The following MAP3K13 variants were observed in gnomAD, a reference collection of about 807,000 sequenced individuals.
MAP3K13 encodes the protein mitogen-activated protein kinase kinase kinase 13.
A neutral mutation model predicts 104.0 loss-of-function variants in MAP3K13; 52 were observed. That is an observed-to-expected ratio of 0.50 (90% confidence interval 0.40 to 0.63). MAP3K13 has a LOEUF of 0.63. MAP3K13 is among the 20% of genes least tolerant of loss of function. The pLI, the probability that MAP3K13 is intolerant of heterozygous loss-of-function variation, is 0.00. For synonymous variants in MAP3K13, 394 were observed against 442.2 expected (o/e 0.89, Z 1.37); for missense variants, 914 against 1,218.5 (o/e 0.75, Z 3.72).
chr3:185,323,978 T>A (rs967882274), intron 2 of MAP3K13, among the ~76,000 whole-genome samples: 1 of 152,118 alleles, frequency 6.6e-6, no homozygotes, highest in Non-Finnish European at 1.5e-5. Flanking sequence ...TCTCTTATAA[T>A]GAGTGAGGTT....
chr3:185,391,045 T>C (rs781623503), intron 1 of MAP3K13, among the ~76,000 whole-genome samples: 2 of 152,182 alleles, frequency 1.3e-5, no homozygotes, highest in Non-Finnish European at 2.9e-5. Context: ...TTGCCCTTTC[T>C]TTTTTTGTTA....
intron 2 of MAP3K13, among the ~76,000 whole-genome samples, chr3:185,355,619 A>G (rs1723321584): frequency 6.6e-6 from 1 of 152,222 alleles, no homozygotes; most frequent in Admixed American, 6.5e-5. Flanking sequence ...TGGACGACAG[A>G]GTGAGACTCC....
intron 1 of MAP3K13, among the ~76,000 whole-genome samples, chr3:185,392,207 G>A (rs538010848): frequency 4.6e-5 from 7 of 152,088 alleles, no homozygotes; most frequent in Non-Finnish European, 8.8e-5. Context: ...CTTAAGTAAG[G>A]ATTTCAGGAT....
intron 12 of MAP3K13, among the ~76,000 whole-genome samples, chr3:185,479,637 A>T (rs1718331868): frequency 6.6e-6 from 1 of 152,192 alleles, no homozygotes; most frequent in Non-Finnish European, 1.5e-5. Context: ...TATATAAACC[A>T]AATGAAAGGG....
intron 12 of MAP3K13, among the ~76,000 whole-genome samples, chr3:185,479,488 A>T (rs906251705): frequency 1.3e-5 from 2 of 152,130 alleles, no homozygotes; most frequent in Non-Finnish European, 2.9e-5. Context: ...AGAATCTATG[A>T]CTCTCTAAAT....
intron 1 of MAP3K13, among the ~76,000 whole-genome samples, chr3:185,381,373 C>G (rs1724714286): frequency 6.6e-6 from 1 of 152,210 alleles, no homozygotes; most frequent in Non-Finnish European, 1.5e-5. Flanking sequence ...CCTCGTTATT[C>G]ACAGATACTA....
intron 2 of MAP3K13, among the ~76,000 whole-genome samples, chr3:185,305,771 T>C (rs1046550339): frequency 2.0e-5 from 3 of 152,222 alleles, no homozygotes; most frequent in African/African-American, 4.8e-5. Flanking sequence ...TTTATTTTTA[T>C]AATTTCAACT....
Position 185,454,726 on chromosome 3 carries a change from ATATATAT to A in MAP3K13, c.1278+3332_1278+3338del, listed in dbSNP as rs1287889882. ...ATATATCATATATGAGATATATATG[ATATATAT>A]GATATATATATCATATATATGAGAT... is the stretch of plus-strand genomic sequence containing the variant. On this transcript the variant is annotated intron_variant, in intron 7 of 13. Transcript: ENST00000265026. Among the ~76,000 whole-genome samples the A allele has an allele frequency of 5.1e-3, 177 of 34,854 alleles. 27 individuals carry two copies. The highest frequency in any genetic ancestry group is 0.012 in the African/African-American group (170 of 14,258). The allele number at this position is 34,854 out of a possible 152,430, so 22.9% of individuals were successfully genotyped here.
chr3:185,310,024 C>A (rs1279966520), intron 2 of MAP3K13, among the ~76,000 whole-genome samples: 4 of 152,112 alleles, frequency 2.6e-5, no homozygotes, highest in Admixed American at 2.0e-4. Context: ...GAGGGAGGGA[C>A]AAGGATGGAG....
intron 7 of MAP3K13, among the ~76,000 whole-genome samples, chr3:185,454,888 A>C (rs1177137229): frequency 1.7e-5 from 2 of 114,382 alleles, no homozygotes; most frequent in Non-Finnish European, 1.7e-5. Context: ...TATATGATAT[A>C]TATATGAGAT....
intron 2 of MAP3K13, chr3:185,291,903 C>CAA (rs139816082): frequency 0.04 from 36,203 of 894,500 alleles, 469 homozygotes; most frequent in East Asian, 0.14. Flanking sequence ...CAGTGCTTTC[C>CAA]AAAAAAAAAA....
intron 1 of MAP3K13, among the ~76,000 whole-genome samples, chr3:185,428,028 G>A (rs776893675): frequency 8.0e-5 from 12 of 150,668 alleles, no homozygotes; most frequent in Non-Finnish European, 1.3e-4. Flanking sequence ...GCAGTGAGCC[G>A]AGATCGCGCC....
rs114540502 is a variant in MAP3K13, at chr3:185,347,723, A to G, written c.-86+62080A>G. On this transcript the variant is annotated intron_variant, in intron 2 of 14. Coordinates refer to the MAP3K13 transcript ENST00000424227. ...AATGGAGGCGATTTCAGAAATATCAATGTAGCCAGGCGTAGTGGCGCACAC... is the reference window on the plus strand; with the variant it reads ...AATGGAGGCGATTTCAGAAATATCAGTGTAGCCAGGCGTAGTGGCGCACAC... 2.1e-3 allele frequency among the ~76,000 whole-genome samples: 319 copies of G among 152,232 alleles called. 4 individuals are homozygous for G. The highest frequency in any genetic ancestry group is 7.2e-3 in the African/African-American group (299 of 41,540).
chr3:185,439,262 G>T (rs369729341), intron 3 of MAP3K13, among the ~76,000 whole-genome samples: 3 of 152,134 alleles, frequency 2.0e-5, no homozygotes, highest in Non-Finnish European at 4.4e-5. Context: ...TTCATGCAGA[G>T]GGCATGGGAG....
chr3:185,343,778 A>C (rs1722814027), intron 2 of MAP3K13, among the ~76,000 whole-genome samples: 1 of 152,188 alleles, frequency 6.6e-6, no homozygotes, highest in Non-Finnish European at 1.5e-5. Flanking sequence ...TAGAAATGGA[A>C]TAATAAAAAT....
intron 1 of MAP3K13, among the ~76,000 whole-genome samples, chr3:185,383,406 T>TA (rs1250358154): frequency 1.3e-5 from 2 of 151,892 alleles, no homozygotes; most frequent in Non-Finnish European, 2.9e-5. Context: ...AAATATTTTT[T>TA]AAAAAATTAG....
intron 10 of MAP3K13, among the ~76,000 whole-genome samples, chr3:185,468,572 G>T (rs1402820221): frequency 6.6e-6 from 1 of 152,200 alleles, no homozygotes; most frequent in African/African-American, 2.4e-5. Flanking sequence ...CTAATAGTGA[G>T]ATGTGAGTTA....
intron 2 of MAP3K13, among the ~76,000 whole-genome samples, chr3:185,347,337 A>G (rs1414430169): frequency 2.0e-5 from 3 of 152,186 alleles, no homozygotes; most frequent in Non-Finnish European, 4.4e-5. Context: ...ACAGATACAG[A>G]TATATCAAGG....
intron 2 of MAP3K13, among the ~76,000 whole-genome samples, chr3:185,350,137 G>A (rs560209822): frequency 9.9e-5 from 15 of 152,252 alleles, no homozygotes; most frequent in South Asian, 4.2e-4. Context: ...TTCTTGAATC[G>A]TATTTTCTAT....
Sources: gnomAD v4.1 joint callset for allele counts (sites outside exome capture counted in the v4.1 genomes callset) on GRCh38, gnomAD v4.1.1 for gene constraint, MANE v1.5 for transcripts, NCBI Gene and HGNC (gene_info 2026-07-23, HGNC 2026-07-21) for gene names.